OPHN1: variants seen among roughly 807,000 people sequenced by gnomAD.
OPHN1 encodes oligophrenin-1.
OPHN1 carries 11 observed loss-of-function variants against 60.7 expected under a neutral mutation model. The ratio of observed to expected loss-of-function variants is 0.18; its 90% confidence interval spans 0.11 to 0.30. OPHN1 has a LOEUF of 0.30. Ranked by LOEUF, OPHN1 falls within the 10% of genes least tolerant of loss-of-function variation. The probability of loss-of-function intolerance (pLI) is 1.00; values close to 1 mark genes in which losing one functional copy is unlikely to be tolerated. For missense variants in OPHN1, 449 were observed against 611.0 expected (o/e 0.73, Z 2.80); for synonymous variants, 226 against 222.6 (o/e 1.02, Z -0.14).
At chrX:68,399,682 A>AAAAT (rs138227941) in intron 2 of OPHN1, among the ~76,000 whole-genome samples, 11 of 102,868 alleles carry the variant, frequency 1.1e-4, no homozygotes, top group African/African-American at 2.8e-4. Context: ...TAAATAAATA[A>AAAAT]AAATAAATAA....
chrX:68,329,437 C>A (rs765729178), intron 2 of OPHN1, among the ~76,000 whole-genome samples: 1 of 112,289 alleles, frequency 8.9e-6, no homozygotes, highest in East Asian at 2.8e-4. Flanking sequence ...AAATAGCCTA[C>A]ATGCCCATTT....
intron 6 of OPHN1, among the ~76,000 whole-genome samples, chrX:68,233,640 T>C (rs1173246629): frequency 9.0e-6 from 1 of 111,289 alleles, no homozygotes. Flanking sequence ...ATTCCTAAAA[T>C]AGAATTCTAC....
chrX:68,292,415 T>C (rs1304015204), intron 3 of OPHN1, among the ~76,000 whole-genome samples: 1 of 111,919 alleles, frequency 8.9e-6, no homozygotes, highest in Non-Finnish European at 1.9e-5. Flanking sequence ...TGGATTGATA[T>C]TTCTTTTGTT....
At chrX:68,395,323 C>T (rs967147984) in intron 2 of OPHN1, among the ~76,000 whole-genome samples, 5 of 110,779 alleles carry the variant, frequency 4.5e-5, no homozygotes, top group African/African-American at 1.6e-4. Flanking sequence ...GGCTGGAGTA[C>T]AGTGGTGCAA....
chrX:68,050,204 C>T (rs1025459072), intron 23 of OPHN1, among the ~76,000 whole-genome samples: 7 of 111,362 alleles, frequency 6.3e-5, no homozygotes, highest in Non-Finnish European at 1.3e-4. Context: ...GGATGCTTTC[C>T]CTATGTGGAT....
At chrX:68,084,625 C>T (rs1454455238) in intron 19 of OPHN1, among the ~76,000 whole-genome samples, 1 of 109,943 alleles carries the variant, frequency 9.1e-6, no homozygotes, top group Non-Finnish European at 1.9e-5. Context: ...AAAAACCCTT[C>T]CTCACAGGTT....
chrX:68,104,484 A>G (rs776777388), intron 18 of OPHN1, among the ~76,000 whole-genome samples: 50 of 111,862 alleles, frequency 4.5e-4, no homozygotes, highest in Admixed American at 1.0e-3. Flanking sequence ...CCAATGGAAT[A>G]GAACAGAGGC....
At chrX:68,404,947 T>C (rs929442233) in intron 2 of OPHN1, among the ~76,000 whole-genome samples, 15 of 111,452 alleles carry the variant, frequency 1.3e-4, no homozygotes, top group Admixed American at 1.2e-3. Context: ...TTAGTGGGTA[T>C]AGAGGTTCAT....
intron 15 of OPHN1, among the ~76,000 whole-genome samples, chrX:68,146,185 C>G (rs2077263114): frequency 8.9e-6 from 1 of 112,011 alleles, no homozygotes; most frequent in Admixed American, 9.5e-5. Flanking sequence ...ATCAGAAGCT[C>G]TGGCAGCATA....
chrX:68,338,137 C>T (rs867450004), intron 2 of OPHN1, among the ~76,000 whole-genome samples: 1 of 111,529 alleles, frequency 9.0e-6, no homozygotes, highest in Non-Finnish European at 1.9e-5. Flanking sequence ...GGATTACAGG[C>T]GTGAGCCACC....
At chrX:68,278,802 C>T (rs1297923911) in intron 4 of OPHN1, among the ~76,000 whole-genome samples, 1 of 112,001 alleles carries the variant, frequency 8.9e-6, no homozygotes, top group Non-Finnish European at 1.9e-5. Flanking sequence ...AGGAGAATCA[C>T]TTGAACCCAG....
intron 21 of OPHN1, among the ~76,000 whole-genome samples, chrX:68,057,611 A>C (rs916605451): frequency 7.2e-5 from 8 of 111,793 alleles, no homozygotes; most frequent in Non-Finnish European, 1.5e-4. Flanking sequence ...TTGGAAAACA[A>C]ACATCATTAA....
chrX:68,311,060 G>C (rs756257633), intron 2 of OPHN1, among the ~76,000 whole-genome samples: 2 of 111,065 alleles, frequency 1.8e-5, no homozygotes, highest in South Asian at 7.6e-4. Flanking sequence ...TTCGAGACCA[G>C]CCTGGGCAAC....
intron 2 of OPHN1, among the ~76,000 whole-genome samples, chrX:68,429,036 T>C (rs910241066): frequency 2.7e-5 from 3 of 112,073 alleles, no homozygotes; most frequent in African/African-American, 9.7e-5. Context: ...CCATTTCCAT[T>C]TACAGATCAT....
intron 5 of OPHN1, among the ~76,000 whole-genome samples, chrX:68,263,575 G>T (rs1340614870): frequency 9.0e-6 from 1 of 111,473 alleles, no homozygotes. Flanking sequence ...TTATTTGCCA[G>T]GTACTGTACT....
chrX:68,154,896 T>C (rs867911260), intron 15 of OPHN1, among the ~76,000 whole-genome samples: 18 of 63,444 alleles, frequency 2.8e-4, no homozygotes, highest in African/African-American at 8.7e-4. Context: ...CACACACACA[T>C]AAACGGAGTA....
intron 15 of OPHN1, among the ~76,000 whole-genome samples, chrX:68,189,427 A>C (rs1002394305): frequency 5.0e-4 from 55 of 110,973 alleles, no homozygotes; most frequent in African/African-American, 1.8e-3. Flanking sequence ...ACATATGTAT[A>C]CATGTGCCAT....
At chrX:68,250,350 C>T (rs1450693438) in intron 5 of OPHN1, among the ~76,000 whole-genome samples, 1 of 112,303 alleles carries the variant, frequency 8.9e-6, no homozygotes, top group Non-Finnish European at 1.9e-5. Flanking sequence ...TATGCACTAT[C>T]TCATTGAATC....
At chrX:68,270,658 C>T (rs1055716606) in intron 5 of OPHN1, among the ~76,000 whole-genome samples, 5 of 107,706 alleles carry the variant, frequency 4.6e-5, no homozygotes, top group African/African-American at 1.7e-4. Context: ...TTAATGGGTG[C>T]AGCACACCAA....
Sources: gnomAD v4.1 joint callset for allele counts (sites outside exome capture counted in the v4.1 genomes callset) on GRCh38, gnomAD v4.1.1 for gene constraint, MANE v1.5 for transcripts, NCBI Gene and HGNC (gene_info 2026-07-23, HGNC 2026-07-21) for gene names.